The following TOR1B variants were observed in gnomAD, a reference collection of about 807,000 sequenced individuals.
The protein encoded by TOR1B is torsin family 1 member B.
TOR1B carries 14 observed loss-of-function variants against 29.2 expected under a neutral mutation model. The ratio of observed to expected loss-of-function variants is 0.48; its 90% CI spans 0.32 to 0.75. The LOEUF (loss-of-function observed/expected upper bound fraction) is 0.75. Among genes scored for constraint, TOR1B ranks in the 30% least tolerant of loss-of-function variants. The pLI, the probability that TOR1B is intolerant of heterozygous loss-of-function variation, is 0.04. For missense variants in TOR1B, 400 were observed against 433.9 expected (o/e 0.92, Z 0.69); for synonymous variants, 166 against 179.8 (o/e 0.92, Z 0.62).
In TOR1B at chr9:129,805,148, A is replaced by G. The variant is rs2030403370; in HGVS notation, c.465+810A>G. On this transcript the variant is annotated intron_variant, in intron 2 of 4. Transcript: ENST00000259339. The stretch of plus-strand genomic sequence containing the variant: ...GTGAGACTCTGTCTCAGAAAAAAAA[A>G]AAAAAAAGAGAGATGTAGTCAGGGC... 2.7e-5 allele frequency among the ~76,000 whole-genome samples: 4 copies of G among 149,228 alleles called. No homozygotes were observed. The South Asian group carries it at 8.5e-4, about 32-fold the overall frequency.
Position 129,810,012 on chromosome 9 carries a change from G to A in TOR1B, c.*429G>A, listed in dbSNP as rs115221907. 7.0e-4 allele frequency: 835 copies of A among 1,196,370 alleles called. 7 individuals carry two copies. In the African/African-American group the frequency reaches 0.012, roughly 17 times the overall value. The allele number at this position is 1,196,370 out of a possible 1,614,324, so 74.1% of individuals were successfully genotyped here. On this transcript the variant is annotated 3_prime_UTR_variant, in exon 5 of 5. Coordinates refer to ENST00000259339, the MANE Select transcript of TOR1B (RefSeq NM_014506.3). ...CCCCTTCACACTTAATGTACTGACC[G>A]AGACAGAAGTACCTGAAAACAGCTG...
At chr9:129,807,484 A>T (rs2030563881) in intron 3 of TOR1B, 121 bp downstream of exon 3, 2 of 1,135,162 alleles carry the variant, frequency 1.8e-6, no homozygotes, top group African/African-American at 3.1e-5. Context: ...GGCACAAGGC[A>T]CTTACCTACT....
In TOR1B at chr9:129,811,010, T is replaced by C. The variant is rs768826450; in HGVS notation, c.*1427T>C. Reference sequence around the variant, plus strand: ...CTTCCAGCCAGTGTGAATCATTGTATCTGTCTCATAATCACAGCACAGCTG... The same window carrying C: ...CTTCCAGCCAGTGTGAATCATTGTACCTGTCTCATAATCACAGCACAGCTG... On this transcript the variant is annotated 3_prime_UTR_variant, in exon 5 of 5. Coordinates refer to ENST00000259339, the MANE Select transcript of TOR1B (RefSeq NM_014506.3). 1 of 152,230 alleles carries C rather than the reference T, an allele frequency of 6.6e-6. No homozygotes were observed. Among genetic ancestry groups the C allele is most frequent in the Non-Finnish European group, 1.5e-5 (1 of 68,050 alleles). 9.4% of individuals were successfully genotyped at this position (152,230 alleles called of 1,614,324 possible).
chr9:129,809,731 C>T lies in TOR1B; in HGVS notation c.*148C>T, dbSNP rs879275386. The T allele has an allele frequency of 6.9e-7, 1 of 1,442,400 alleles. No homozygotes were observed. 89.4% of individuals were successfully genotyped at this position (1,442,400 alleles called of 1,614,324 possible). The stretch of plus-strand genomic sequence containing the variant: ...TAGAATCTTTTTTTTGAGAAGAGGT[C>T]TCACTCCGTCATCCAAGCTGGAGTG... On this transcript the variant is annotated 3_prime_UTR_variant, in exon 5 of 5. Coordinates refer to ENST00000259339, the MANE Select transcript of TOR1B (RefSeq NM_014506.3).
rs2030854549 is a variant in TOR1B, at chr9:129,811,261, A to G, written c.*1678A>G. 6.6e-6 allele frequency: 1 copy of G among 152,176 alleles called. No individual in the cohort carries two copies. Among genetic ancestry groups the G allele is most frequent in the South Asian group, 2.1e-4 (1 of 4,822 alleles). 9.4% of individuals were successfully genotyped at this position (152,176 alleles called of 1,614,324 possible). ...GATTTTCTCTATTTACAGTGAGGCAATAAATATGTTTGCCACCTTTGGACT... is the reference window on the plus strand; with the variant it reads ...GATTTTCTCTATTTACAGTGAGGCAGTAAATATGTTTGCCACCTTTGGACT... On this transcript the variant is annotated 3_prime_UTR_variant, in exon 5 of 5. Transcript: ENST00000259339.
intron 1 of TOR1B, 29 bp from the exon 2 acceptor site, chr9:129,804,042 TTC>T (rs764164938): frequency 3.1e-6 from 5 of 1,611,318 alleles, no homozygotes; most frequent in African/African-American, 2.7e-5. Context: ...TAAGGTCTGT[TTC>T]TCTCTTTGTT....
chr9:129,804,836 C>CAAAAAA (rs34803368), intron 2 of TOR1B, among the ~76,000 whole-genome samples: 1 of 50,378 alleles, frequency 2.0e-5, no homozygotes, highest in African/African-American at 7.3e-5. Flanking sequence ...TACTCGGTCT[C>CAAAAAA]AAAAAAAAAA....
At chr9:129,806,719 A>G (rs1360640589) in intron 2 of TOR1B, among the ~76,000 whole-genome samples, 3 of 152,178 alleles carry the variant, frequency 2.0e-5, no homozygotes, top group African/African-American at 7.2e-5. Flanking sequence ...TCTACTAAAA[A>G]TACAAAAATT....
Position 129,810,355 on chromosome 9 carries a change from G to T in TOR1B, c.*772G>T, listed in dbSNP as rs1015515190. 2.8e-5 allele frequency: 30 copies of T among 1,058,076 alleles called. 1 individual carries two copies. The highest frequency in any genetic ancestry group is 7.5e-5 in the Admixed American group (3 of 40,212). 65.5% of individuals were successfully genotyped at this position (1,058,076 alleles called of 1,614,324 possible). On this transcript the variant is annotated 3_prime_UTR_variant, in exon 5 of 5. Coordinates refer to ENST00000259339, the MANE Select transcript of TOR1B (RefSeq NM_014506.3). ...CTGACCTGTGTGTGTGTGTGTGGGG[G>T]GGTGGGGCCTTCACCTAAGACCTCT...
At chr9:129,809,077 A>G (rs772161351) in intron 4 of TOR1B, 45 bp downstream of exon 4, 15 of 1,562,494 alleles carry the variant, frequency 9.6e-6, no homozygotes, top group Non-Finnish European at 1.3e-5. Context: ...TCCAGCAGTG[A>G]GCCGTCTGCT....
rs2030854927 is a variant in TOR1B at position 129,811,264 on chromosome 9, AAT to A, written c.*1684_*1685del. On this transcript the variant is annotated 3_prime_UTR_variant, in exon 5 of 5. Transcript: ENST00000259339. ...TTTCTCTATTTACAGTGAGGCAATAAATATGTTTGCCACCTTTGGACTGCCGT... is the reference window on the plus strand; with the variant it reads ...TTTCTCTATTTACAGTGAGGCAATAAATGTTTGCCACCTTTGGACTGCCGT... The A allele has an allele frequency of 6.6e-6, 1 of 152,150 alleles. No homozygotes were observed. The highest frequency in any genetic ancestry group is 1.5e-5 in the Non-Finnish European group (1 of 68,022). The allele number at this position is 152,150 out of a possible 1,614,324, so 9.4% of individuals were successfully genotyped here. A position where few individuals can be genotyped will look rare whatever the true frequency, so the allele number is the denominator to read the frequency against.
At position 129,808,939 on chromosome 9, in the gene TOR1B, CTT is replaced by C. The variant is rs2030665314; in HGVS notation, c.677_678del (p.Leu226ArgfsTer28). ...CGGGGACCTTATAACTAAGACGGCTCTTGACTTTTGGCGGGCCGGAAGAAAGA... is the reference window on the plus strand; with the variant it reads ...CGGGGACCTTATAACTAAGACGGCTCGACTTTTGGCGGGCCGGAAGAAAGA... ...AGGDLITKTA[L>X]DFWRAGRKRE... On this transcript the variant is annotated frameshift_variant, in exon 4 of 5. Coordinates refer to ENST00000259339, the MANE Select transcript of TOR1B (RefSeq NM_014506.3). LOFTEE classifies it high-confidence loss of function. 1 of 1,614,004 alleles carries C rather than the reference CTT, an allele frequency of 6.2e-7. No homozygotes were observed. The highest frequency in any genetic ancestry group is 8.5e-7 in the Non-Finnish European group (1 of 1,180,000).
intron 2 of TOR1B, 76 bp downstream of exon 2, chr9:129,804,414 C>T: frequency 6.4e-7 from 1 of 1,555,248 alleles, no homozygotes; most frequent in South Asian, 1.2e-5. Flanking sequence ...ACTCTGGCCT[C>T]TGCTTCTCTT....
intron 3 of TOR1B, among the ~76,000 whole-genome samples, chr9:129,807,719 G>A (rs990671720): frequency 2.0e-5 from 3 of 151,868 alleles, no homozygotes; most frequent in Admixed American, 1.3e-4. Flanking sequence ...GGTGGCGGGC[G>A]CCTGTAGTCC....
At chr9:129,805,070 G>A (rs1483282973) in intron 2 of TOR1B, among the ~76,000 whole-genome samples, 1 of 150,878 alleles carries the variant, frequency 6.6e-6, no homozygotes, top group African/African-American at 2.4e-5. Context: ...CCCGGGAGGC[G>A]GAGCTTGCAC....
chr9:129,803,733 A>G (rs897704620), intron 1 of TOR1B, among the ~76,000 whole-genome samples: 2 of 152,204 alleles, frequency 1.3e-5, no homozygotes, highest in Admixed American at 1.3e-4. Flanking sequence ...CCTATTAAGT[A>G]GTTTTCAGAC....
In TOR1B at chr9:129,809,917, C is replaced by T. The variant is rs116214334; in HGVS notation, c.*334C>T. ...GTGGAAAACACGTGAATCTATTGCGCGCATTTGTCATTTAGCAAGATGGCA... is the reference window on the plus strand; with the variant it reads ...GTGGAAAACACGTGAATCTATTGCGTGCATTTGTCATTTAGCAAGATGGCA... On this transcript the variant is annotated 3_prime_UTR_variant, in exon 5 of 5. Coordinates refer to ENST00000259339, the MANE Select transcript of TOR1B (RefSeq NM_014506.3). 2.7e-4 allele frequency: 329 copies of T among 1,217,812 alleles called. 1 individual carries two copies. In the African/African-American group the frequency reaches 4.5e-3, roughly 17 times the overall value. 75.4% of individuals were successfully genotyped at this position (1,217,812 alleles called of 1,614,324 possible).
intron 3 of TOR1B, among the ~76,000 whole-genome samples, chr9:129,808,543 CT>C (rs763409733): frequency 0.064 from 4,976 of 77,856 alleles, 52 homozygotes; most frequent in Middle Eastern, 0.13. Context: ...ACACAGAAGT[CT>C]TTTTTTTTTT....
At chr9:129,808,371 C>T (rs2030623362) in intron 3 of TOR1B, among the ~76,000 whole-genome samples, 2 of 151,328 alleles carry the variant, frequency 1.3e-5, no homozygotes, top group Non-Finnish European at 2.9e-5. Flanking sequence ...TCGTGGCAGG[C>T]GCCTGTAATC....
Sources: gnomAD v4.1 joint callset for allele counts (sites outside exome capture counted in the v4.1 genomes callset) on GRCh38, gnomAD v4.1.1 for gene constraint, MANE v1.5 for transcripts, NCBI Gene and HGNC (gene_info 2026-07-23, HGNC 2026-07-21) for gene names.